HOXB8: variants seen among roughly 807,000 people sequenced by gnomAD.
The protein encoded by HOXB8 is homeobox B8.
In HOXB8, 17 loss-of-function variants were observed where a neutral mutation model predicts 22.2. That is an observed-to-expected ratio of 0.77 (90% CI 0.53 to 1.15). HOXB8 has a LOEUF of 1.15. HOXB8 is among the 50% of genes most tolerant of loss of function. The probability of loss-of-function intolerance (pLI) is 0.00; values close to 1 mark genes in which losing one functional copy is unlikely to be tolerated. For synonymous variants in HOXB8, 156 were observed against 144.6 expected, an observed-to-expected ratio of 1.08 and a Z score of -0.57; for missense variants, 287 against 323.8, an observed-to-expected ratio of 0.89 and a Z score of 0.87.
Position 48,613,389 on chromosome 17 carries a change from G to A in HOXB8, c.545C>T (p.Ala182Val). Residue 182 changes from alanine (A) to valine (V), a missense_variant, in exon 2 of 2, where the codon GCC becomes GTC. Ala to Val is a moderately conservative substitution (Grantham distance 64, BLOSUM62 0). Coordinates refer to ENST00000239144, the MANE Select transcript of HOXB8 (RefSeq NM_024016.4). ...TRKRRIEVSHALGLTERQVKI... is the reference protein window; with the variant it reads ...TRKRRIEVSHVLGLTERQVKI... ...GACCTGTCTCTCTGTCAGTCCCAGG[G>A]CGTGCGATACCTCGATTCGCCGCTT... The A allele has an allele frequency of 6.2e-7, 1 of 1,614,060 alleles. No individual in the cohort carries two copies. The highest frequency in any genetic ancestry group is 8.5e-7 in the Non-Finnish European group (1 of 1,180,002).
In HOXB8 at chr17:48,615,230, C is replaced by CGAGAGAGAGCGAGCGA; in HGVS notation, c.-542_-527dup. 8.9e-6 allele frequency among the ~76,000 whole-genome samples: 1 copy of CGAGAGAGAGCGAGCGA among 112,654 alleles called. No individual in the cohort carries two copies. Among genetic ancestry groups the CGAGAGAGAGCGAGCGA allele is most frequent in the Non-Finnish European group, 2.0e-5 (1 of 49,716 alleles). 73.9% of individuals were successfully genotyped at this position (112,654 alleles called of 152,430 possible). ...ACAGAACGCAGAGCGAGGGTGAGAG[C>CGAGAGAGAGCGAGCGA]GAGAGAGAGCGAGCGAGAGAGAGAG... On this transcript the variant is annotated 5_prime_UTR_variant, in exon 1 of 2. Transcript: ENST00000239144.
rs1189737537 is a variant in HOXB8 at position 48,614,204 on chromosome 17, G to A, written c.424+77C>T. The A allele has an allele frequency of 1.4e-5, 8 of 587,922 alleles. No individual in the cohort carries two copies. Among genetic ancestry groups the A allele is most frequent in the East Asian group, 1.0e-4 (3 of 29,022 alleles). The allele number at this position is 587,922 out of a possible 1,614,324, so 36.4% of individuals were successfully genotyped here. The stretch of plus-strand genomic sequence containing the variant: ...GCCGGCAAGTCTTCCAGAAGCTGGA[G>A]GAAATGCGCCCCGGCCTGCCAGGCC... On this transcript the variant is annotated intron_variant, in intron 1 of 1. Transcript: ENST00000239144. This position sits in a 1 kb window ranked among gnomAD's most constrained non-coding sequence, Gnocchi z 4.1.
Position 48,614,316 on chromosome 17 carries a change from G to A in HOXB8, c.389C>T (p.Ser130Leu). The A allele has an allele frequency of 6.4e-7, 1 of 1,558,378 alleles. No individual in the cohort carries two copies. Among genetic ancestry groups the A allele is most frequent in the Non-Finnish European group, 8.6e-7 (1 of 1,162,120 alleles). ...CATCCAGGGGAAGAGCTGTGTGGGC[G>A]ACGGGCTCTGCTCGGAGCCCTCGGC... ...EEAEGSEQSP[S>L]PTQLFPWMRP... is the part of the protein sequence containing the mutation. The change falls in exon 1 of 2, where the codon TCG (serine) becomes TTG (leucine). Residue 130 changes from serine to leucine, a missense_variant. By Grantham distance (145) the Ser-to-Leu change is moderately radical (BLOSUM62 -2). This residue lies in a region of HOXB8 where 229 missense variants were observed against 239.8 expected (regional missense o/e 0.95). Transcript: ENST00000239144. This position sits in a 1 kb window ranked among gnomAD's most constrained non-coding sequence, Gnocchi z 4.1.
At position 48,612,478 on chromosome 17, in the gene HOXB8, A is replaced by G. The variant is rs1284368773; in HGVS notation, c.*724T>C. The G allele has an allele frequency of 6.6e-6, 1 of 152,606 alleles. No homozygotes were observed. Among genetic ancestry groups the G allele is most frequent in the East Asian group, 1.9e-4 (1 of 5,196 alleles). The allele number at this position is 152,606 out of a possible 1,614,324, so 9.5% of individuals were successfully genotyped here. A position where few individuals can be genotyped will look rare whatever the true frequency, so the allele number is the denominator to read the frequency against. On this transcript the variant is annotated 3_prime_UTR_variant, in exon 2 of 2. Coordinates refer to ENST00000239144, the MANE Select transcript of HOXB8 (RefSeq NM_024016.4). ...CCCCCATAAAGCAATTCACGGATAC[A>G]GAATACATTCTCTTCACAGTAAACC... is the stretch of plus-strand genomic sequence containing the variant.
chr17:48,613,543 G>C, intron 1 of HOXB8, 34 bp from the exon 2 acceptor site: 1 of 1,005,668 alleles, frequency 9.9e-7, no homozygotes, highest in Non-Finnish European at 1.5e-6. Context: ...ACAGAGGGGA[G>C]GGGAGGGTGG....
intron 1 of HOXB8, 143 bp from the exon 2 acceptor site, chr17:48,613,652 G>T: frequency 1.6e-6 from 1 of 637,840 alleles, no homozygotes; most frequent in Non-Finnish European, 2.6e-6. Context: ...GCGGGGGCGG[G>T]GGGGGCGCAA....
chr17:48,614,747 TG>T lies in HOXB8; in HGVS notation c.-44del, dbSNP rs771660664. On this transcript the variant is annotated 5_prime_UTR_variant, in exon 1 of 2. Transcript: ENST00000239144. The surrounding 1 kb of genome is among the most constrained non-coding windows in gnomAD (Gnocchi z 4.1). Reference sequence around the variant, plus strand: ...CGGCGGCGGCGGCGGAGGCTATAGTTGGGGGCTGTTGGGGAGGGGGTGGGGA... The same window carrying T: ...CGGCGGCGGCGGCGGAGGCTATAGTTGGGGCTGTTGGGGAGGGGGTGGGGA... The T allele has an allele frequency of 2.5e-5, 1 of 40,524 alleles. No homozygotes were observed. Among genetic ancestry groups the T allele is most frequent in the Non-Finnish European group, 3.5e-5 (1 of 28,236 alleles). 2.5% of individuals were successfully genotyped at this position (40,524 alleles called of 1,614,324 possible). A position where few individuals can be genotyped will look rare whatever the true frequency, so the allele number is the denominator to read the frequency against.
chr17:48,613,153 G>A lies in HOXB8; in HGVS notation c.*49C>T. On this transcript the variant is annotated 3_prime_UTR_variant, in exon 2 of 2. Coordinates refer to ENST00000239144, the MANE Select transcript of HOXB8 (RefSeq NM_024016.4). ...GGGCGCGCGGCGGCGGCGCGGCCGG[G>A]ACCCGCGGACGTGCGGGCGGCCGCG... 2 of 1,292,722 alleles carry A rather than the reference G, an allele frequency of 1.5e-6. No individual in the cohort carries two copies. The highest frequency in any genetic ancestry group is 2.0e-6 in the Non-Finnish European group (2 of 1,014,832). 80.1% of individuals were successfully genotyped at this position (1,292,722 alleles called of 1,614,324 possible).
rs1329573536 is a variant in HOXB8, at chr17:48,613,237, C to T, written c.697G>A (p.Asp233Asn). ...TCGCCCTTCTGCGCGTCGCCCTCGT[C>T]CGCCGCCTCTGGGGCCCGCTCCAGC... ...QKLERAPEAA[D>N]EGDAQKGDKK is the part of the protein sequence containing the mutation. The change falls in exon 2 of 2, where the codon GAC (aspartate) becomes AAC (asparagine). Residue 233 changes from aspartate (D) to asparagine (N), a missense_variant. Physicochemically the swap from Asp to Asn is conservative, Grantham distance 23. Around this residue, in one of 3 missense-constraint regions of HOXB8, gnomAD observed 52 missense variants for 54.8 expected, o/e 0.95. Coordinates refer to ENST00000239144, the MANE Select transcript of HOXB8 (RefSeq NM_024016.4). The T allele has an allele frequency of 4.3e-6, 7 of 1,612,920 alleles. No individual in the cohort carries two copies. Among genetic ancestry groups the T allele is most frequent in the Admixed American group, 1.7e-5 (1 of 59,950 alleles).
intron 1 of HOXB8, 27 bp from the exon 2 acceptor site, chr17:48,613,536 GAGGGGAGGGGAGGGTGGGGGAGGGGGC>G: frequency 2.7e-6 from 3 of 1,131,984 alleles, no homozygotes; most frequent in South Asian, 1.4e-5. Flanking sequence ...GGGCGAGACA[GAGGGGAGGGGAGGGTGGGGGAGGGGGC>G]AGGGACGGAG....
Position 48,612,977 on chromosome 17 carries a change from C to T in HOXB8, c.*225G>A. On this transcript the variant is annotated 3_prime_UTR_variant, in exon 2 of 2. Transcript: ENST00000239144. Reference sequence around the variant, plus strand: ...CTTAAATCCTTTTCTTTCCCCCCGGCCCCCAAGAGAAGGGAAGGAGATCCA... The same window carrying T: ...CTTAAATCCTTTTCTTTCCCCCCGGTCCCCAAGAGAAGGGAAGGAGATCCA... The T allele has an allele frequency of 4.9e-6, 1 of 205,030 alleles. No homozygotes were observed. 12.7% of individuals were successfully genotyped at this position (205,030 alleles called of 1,614,324 possible).
At position 48,612,456 on chromosome 17, in the gene HOXB8, C is replaced by G. The variant is rs1432577155; in HGVS notation, c.*746G>C. 1.3e-5 allele frequency: 2 copies of G among 152,714 alleles called. No homozygotes were observed. The highest frequency in any genetic ancestry group is 1.3e-4 in the Admixed American group (2 of 15,292). The allele number at this position is 152,714 out of a possible 1,614,324, so 9.5% of individuals were successfully genotyped here. A position where few individuals can be genotyped will look rare whatever the true frequency, so the allele number is the denominator to read the frequency against. ...ATATATAATTAGCCCTCCCTCCCCC[C>G]CATAAAGCAATTCACGGATACAGAA... On this transcript the variant is annotated 3_prime_UTR_variant, in exon 2 of 2. Transcript: ENST00000239144.
At position 48,614,351 on chromosome 17, in the gene HOXB8, C is replaced by G. The variant is rs1462495213; in HGVS notation, c.354G>C (p.Leu118=). 6.2e-7 allele frequency: 1 copy of G among 1,603,322 alleles called. No individual in the cohort carries two copies. The highest frequency in any genetic ancestry group is 8.5e-7 in the Non-Finnish European group (1 of 1,177,740). Residue 118 remains leucine, a synonymous_variant, in exon 1 of 2, where the codon CTG becomes CTC. Transcript: ENST00000239144. This position sits in a 1 kb window ranked among gnomAD's most constrained non-coding sequence, Gnocchi z 4.1. ...ADCKLAAASG[L]GEEAEGSEQS... ...GCTCGGAGCCCTCGGCCTCCTCGCCCAGGCCGCTGGCGGCGGCAAGCTTGC... is the reference window on the plus strand; with the variant it reads ...GCTCGGAGCCCTCGGCCTCCTCGCCGAGGCCGCTGGCGGCGGCAAGCTTGC...
rs140231017 is a variant in HOXB8 at position 48,612,725 on chromosome 17, CGA to C, written c.*475_*476del. ...GAGAGCGAGAGCGAGAGCGAGCGAGCGAGAGAGAGAGAGAGAAGGGAGACAGA... is the reference window on the plus strand; with the variant it reads ...GAGAGCGAGAGCGAGAGCGAGCGAGCGAGAGAGAGAGAGAAGGGAGACAGA... On this transcript the variant is annotated 3_prime_UTR_variant, in exon 2 of 2. Coordinates refer to ENST00000239144, the MANE Select transcript of HOXB8 (RefSeq NM_024016.4). 26 of 144,466 alleles carry C rather than the reference CGA, an allele frequency of 1.8e-4. No individual in the cohort carries two copies. The highest frequency in any genetic ancestry group is 2.8e-4 in the African/African-American group (11 of 38,614). 8.9% of individuals were successfully genotyped at this position (144,466 alleles called of 1,614,324 possible).
Position 48,613,074 on chromosome 17 carries a change from G to A in HOXB8, c.*128C>T. The A allele has an allele frequency of 7.1e-6, 3 of 423,458 alleles. No homozygotes were observed. Among genetic ancestry groups the A allele is most frequent in the Non-Finnish European group, 1.0e-5 (3 of 286,008 alleles). 26.2% of individuals were successfully genotyped at this position (423,458 alleles called of 1,614,324 possible). ...GGACTGGCGCGGCGGGGGACGCTGCGGTGGGAGGCCCGGCTCCTGGCCCCG... is the reference window on the plus strand; with the variant it reads ...GGACTGGCGCGGCGGGGGACGCTGCAGTGGGAGGCCCGGCTCCTGGCCCCG... On this transcript the variant is annotated 3_prime_UTR_variant, in exon 2 of 2. Transcript: ENST00000239144.
In HOXB8 at chr17:48,614,871, AAAAG is replaced by A. The variant is rs1294529112; in HGVS notation, c.-171_-168del. The A allele has an allele frequency of 2.1e-5, 12 of 571,974 alleles. No individual in the cohort carries two copies. Among genetic ancestry groups the A allele is most frequent in the Non-Finnish European group, 3.6e-5 (12 of 335,578 alleles). The allele number at this position is 571,974 out of a possible 1,614,324, so 35.4% of individuals were successfully genotyped here. ...AGGGAAAGAGAGGAGGGAAAAAAAG[AAAAG>A]AAAGAAAAGGCGAAGAAGATCTCGA... On this transcript the variant is annotated 5_prime_UTR_variant, in exon 1 of 2. Transcript: ENST00000239144. This position sits in a 1 kb window ranked among gnomAD's most constrained non-coding sequence, Gnocchi z 4.1.
chr17:48,613,553 G>T, intron 1 of HOXB8, 44 bp from the exon 2 acceptor site: 1 of 825,892 alleles, frequency 1.2e-6, no homozygotes, highest in Non-Finnish European at 1.9e-6. Flanking sequence ...GGGGAGGGTG[G>T]GGGAGGGGGC....
chr17:48,614,526 C>G lies in HOXB8; in HGVS notation c.179G>C (p.Gly60Ala). 2 of 1,613,810 alleles carry G rather than the reference C, an allele frequency of 1.2e-6. No homozygotes were observed. The highest frequency in any genetic ancestry group is 2.2e-5 in the South Asian group (2 of 91,080). Reference protein sequence around the residue: ...HPSQIQEFYHGPSSLSTAPYQ... With the variant: ...HPSQIQEFYHAPSSLSTAPYQ... ...GGGAGCCGTGGACAGCGACGACGGC[C>G]CGTGGTAGAACTCCTGGATTTGCGA... The change falls in exon 1 of 2, where the codon GGG becomes GCG. Residue 60 changes from glycine to alanine, a missense_variant. By Grantham distance (60) the Gly-to-Ala change is moderately conservative. Around this residue, in one of 3 missense-constraint regions of HOXB8, gnomAD observed 229 missense variants for 239.8 expected, o/e 0.95. Transcript: ENST00000239144. The surrounding 1 kb of genome is among the most constrained non-coding windows in gnomAD (Gnocchi z 4.1).
At position 48,613,216 on chromosome 17, in the gene HOXB8, C is replaced by T. The variant is rs754470965; in HGVS notation, c.718G>A (p.Gly240Ser). 1.9e-6 allele frequency: 3 copies of T among 1,610,390 alleles called. No homozygotes were observed. The highest frequency in any genetic ancestry group is 2.5e-6 in the Non-Finnish European group (3 of 1,178,022). ...EAADEGDAQKGDKK is the reference protein window; with the variant it reads ...EAADEGDAQKSDKK ...CCAGCTGAAGCCTACTTCTTGTCGC[C>T]CTTCTGCGCGTCGCCCTCGTCCGCC... Residue 240 changes from glycine (G) to serine (S), a missense_variant, in exon 2 of 2, where the codon GGC (glycine) becomes AGC (serine). This residue lies in a region of HOXB8 where 52 missense variants were observed against 54.8 expected (regional missense o/e 0.95). Coordinates refer to ENST00000239144, the MANE Select transcript of HOXB8 (RefSeq NM_024016.4).
Sources: allele counts gnomAD v4.1 joint callset (sites outside exome capture counted in the v4.1 genomes callset), GRCh38; gene constraint gnomAD v4.1.1; regional missense constraint gnomAD v4.1.1; non-coding constraint Gnocchi (gnomAD v3.1); transcripts MANE v1.5; gene names NCBI Gene and HGNC (gene_info 2026-07-23, HGNC 2026-07-21).